The following TES variants were observed in gnomAD, a reference collection of about 807,000 sequenced individuals.
TES encodes the protein testin.
Under a neutral mutation model 48.2 loss-of-function variants are expected in TES, and 41 were observed. That is an observed-to-expected ratio of 0.85 (90% CI 0.66 to 1.10). The LOEUF is 1.10. TES is among the 50% of genes least tolerant of loss of function. The pLI, the probability that TES is intolerant of heterozygous loss-of-function variation, is 0.00. For missense variants in TES, 463 were observed against 515.1 expected (o/e 0.90, Z 0.98); for synonymous variants, 162 against 174.9 (o/e 0.93, Z 0.58).
intron 1 of TES, among the ~76,000 whole-genome samples, chr7:116,226,533 ATCT>A (rs1227281192): frequency 1.4e-4 from 21 of 152,296 alleles, no homozygotes; most frequent in African/African-American, 4.8e-4. Flanking sequence ...GCTTTAAAGG[ATCT>A]TCTTTGCATG....
intron 1 of TES, among the ~76,000 whole-genome samples, chr7:116,220,825 G>C (rs951053585): frequency 5.9e-5 from 9 of 152,048 alleles, no homozygotes; most frequent in Admixed American, 4.6e-4. Flanking sequence ...TCTGAAAATG[G>C]GTTTCAACTG....
At chr7:116,211,374 G>T (rs970052708) in intron 1 of TES, 13 of 152,186 alleles carry the variant, frequency 8.5e-5, no homozygotes, top group African/African-American at 2.7e-4. Flanking sequence ...TCCTTGTTTG[G>T]CAGGTAGTCC....
chr7:116,217,629 A>G (rs1409296591), intron 1 of TES: 1 of 301,540 alleles, frequency 3.3e-6, no homozygotes. Context: ...ATAAGGAAAC[A>G]AAAGACTAAT....
rs571787077 is a variant in TES at position 116,215,798 on chromosome 7, G to A, written c.27+5064G>A. On this transcript the variant is annotated intron_variant, in intron 1 of 6. Transcript: ENST00000358204. ...GAAAGCCTTACACATAGCATGAGTA[G>A]GCTAAACCTCTTTTCCCTTGTAGCA... Among the ~76,000 whole-genome samples the A allele has an allele frequency of 3.3e-5, 5 of 152,254 alleles. No homozygotes were observed. In the South Asian group the frequency reaches 1.0e-3, roughly 31 times the overall value.
At chr7:116,215,956 T>C (rs1799489083) in intron 1 of TES, among the ~76,000 whole-genome samples, 1 of 152,148 alleles carries the variant, frequency 6.6e-6, no homozygotes, top group South Asian at 2.1e-4. Context: ...CCATTCTTCA[T>C]GCAAAAACAT....
rs572227873 is a variant in TES at position 116,250,551 on chromosome 7, T to C, written c.702+55T>C. The C allele has an allele frequency of 4.9e-5, 66 of 1,359,114 alleles. No homozygotes were observed. The Admixed American group carries it at 5.6e-4, about 12-fold the overall frequency. 84.2% of individuals were successfully genotyped at this position (1,359,114 alleles called of 1,614,324 possible). ...ATTTGTATACTTTACAGAATTTTTT[T>C]CCCTTACTTTGAACTTTTTTGGGGA... On this transcript the variant is annotated intron_variant, in intron 4 of 6. Transcript: ENST00000358204.
At chr7:116,213,144 T>G (rs965225375) in intron 1 of TES, among the ~76,000 whole-genome samples, 5 of 152,242 alleles carry the variant, frequency 3.3e-5, no homozygotes, top group Non-Finnish European at 7.3e-5. Context: ...TTTATGTTCC[T>G]TTTAGCAATT....
chr7:116,218,045 C>T (rs1370452995), intron 1 of TES: 7 of 430,078 alleles, frequency 1.6e-5, no homozygotes, highest in South Asian at 5.0e-5. Flanking sequence ...GGTGGGGAGT[C>T]GGCTCAGATT....
chr7:116,219,828 T>C (rs1584610164), intron 1 of TES, among the ~76,000 whole-genome samples: 1 of 152,208 alleles, frequency 6.6e-6, no homozygotes, highest in Non-Finnish European at 1.5e-5. Flanking sequence ...TGAGATGATA[T>C]TCTGTATGGT....
At chr7:116,250,952 T>C (rs1286023733) in intron 4 of TES, among the ~76,000 whole-genome samples, 1 of 152,150 alleles carries the variant, frequency 6.6e-6, no homozygotes, top group Non-Finnish European at 1.5e-5. Context: ...TTTTTTTAAG[T>C]CTCTTCTAAA....
intron 4 of TES, 76 bp downstream of exon 4, chr7:116,250,572 G>T: frequency 1.7e-6 from 2 of 1,192,772 alleles, no homozygotes; most frequent in Non-Finnish European, 2.2e-6. Context: ...GAACTTTTTT[G>T]GGGACTATTC....
chr7:116,255,995 G>A (rs6967695), intron 6 of TES, among the ~76,000 whole-genome samples: 49,578 of 151,954 alleles, frequency 0.33, 8,422 homozygotes, highest in East Asian at 0.58. Flanking sequence ...GCAGTTGCTT[G>A]CATGGTGCAG....
chr7:116,250,393 C>T lies in TES; in HGVS notation c.599C>T (p.Ala200Val). ...GDVKLPCEMDAQGPKQMNIPG... is the reference protein window; with the variant it reads ...GDVKLPCEMDVQGPKQMNIPG... ...GTCAAACTTCCCTGTGAGATGGATG[C>T]CCAAGGCCCCAAACAAATGAACATT... The change falls in exon 4 of 7, where the codon GCC becomes GTC. Residue 200 changes from alanine to valine, a missense_variant. Physicochemically the swap from Ala to Val is moderately conservative, Grantham distance 64 (BLOSUM62 0). Transcript: ENST00000358204. The T allele has an allele frequency of 6.2e-7, 1 of 1,613,804 alleles. No individual in the cohort carries two copies. Among genetic ancestry groups the T allele is most frequent in the Non-Finnish European group, 8.5e-7 (1 of 1,179,840 alleles).
rs1200247430 is a variant in TES at position 116,257,570 on chromosome 7, C to CA, written c.*95dup. On this transcript the variant is annotated 3_prime_UTR_variant, in exon 7 of 7. Coordinates refer to ENST00000358204, the MANE Select transcript of TES (RefSeq NM_015641.4). ...AATGCAATTTGAAAAAAATAAAACG[C>CA]AAAAAAAGAAACTGTAAAGGAAACC... The CA allele has an allele frequency of 6.9e-6, 8 of 1,166,806 alleles. No individual in the cohort carries two copies. In the East Asian group the frequency reaches 1.8e-4, roughly 27 times the overall value. 72.3% of individuals were successfully genotyped at this position (1,166,806 alleles called of 1,614,324 possible). A position where few individuals can be genotyped will look rare whatever the true frequency, so the allele number is the denominator to read the frequency against.
intron 1 of TES, among the ~76,000 whole-genome samples, chr7:116,212,667 A>G (rs1799452340): frequency 6.6e-6 from 1 of 152,242 alleles, no homozygotes; most frequent in Admixed American, 6.5e-5. Flanking sequence ...AAACTTAAAA[A>G]TTGTATATGC....
intron 6 of TES, among the ~76,000 whole-genome samples, chr7:116,253,322 C>T (rs936961639): frequency 1.3e-5 from 2 of 152,158 alleles, no homozygotes; most frequent in African/African-American, 4.8e-5. Context: ...CAATTTTCAG[C>T]GTTCACCCAT....
At chr7:116,229,647 C>G (rs1290030106) in intron 1 of TES, among the ~76,000 whole-genome samples, 1 of 152,172 alleles carries the variant, frequency 6.6e-6, no homozygotes, top group African/African-American at 2.4e-5. Flanking sequence ...ATATGCTTCC[C>G]TTCATCTGAT....
intron 4 of TES, among the ~76,000 whole-genome samples, chr7:116,251,296 G>A (rs1390791436): frequency 6.6e-6 from 1 of 152,144 alleles, no homozygotes; most frequent in African/African-American, 2.4e-5. Context: ...TTATTAATAC[G>A]TTATTATCTA....
chr7:116,217,903 G>A (rs1799512414), intron 1 of TES: 1 of 512,434 alleles, frequency 2.0e-6, no homozygotes, highest in Non-Finnish European at 3.9e-6. Context: ...TAGATAATGG[G>A]GAATTAGAGC....
Sources: gnomAD v4.1 joint callset for allele counts (sites outside exome capture counted in the v4.1 genomes callset) on GRCh38, gnomAD v4.1.1 for gene constraint, MANE v1.5 for transcripts, NCBI Gene and HGNC (gene_info 2026-07-23, HGNC 2026-07-21) for gene names.